Variants in PBX3 observed in about 807,000 individuals in gnomAD.
PBX3 encodes the protein pre-B-cell leukemia transcription factor 3.
PBX3 carries 14 observed loss-of-function variants against 48.5 expected under a neutral mutation model. The observed-to-expected ratio is 0.29, with a 90% confidence interval of 0.19 to 0.45. The LOEUF is 0.45. PBX3 is among the 20% of genes least tolerant of loss of function. The pLI is 1.00. For missense variants in PBX3, 386 were observed against 546.7 expected, an observed-to-expected ratio of 0.71 and a Z score of 2.93; for synonymous variants, 210 against 200.3, an observed-to-expected ratio of 1.05 and a Z score of -0.41.
intron 3 of PBX3, among the ~76,000 whole-genome samples, chr9:125,922,234 AT>A (rs1357756934): frequency 2.0e-5 from 3 of 152,202 alleles, no homozygotes; most frequent in Admixed American, 2.0e-4. Context: ...CTTGGTTTGG[AT>A]TTTTAAGGAG....
intron 2 of PBX3, among the ~76,000 whole-genome samples, chr9:125,908,961 C>T (rs1000445554): frequency 1.3e-5 from 2 of 151,996 alleles, no homozygotes; most frequent in African/African-American, 2.4e-5. Flanking sequence ...TTTTTTCCTT[C>T]ATCCTTTTTT....
intron 2 of PBX3, among the ~76,000 whole-genome samples, chr9:125,785,975 G>A (rs1439255316): frequency 2.0e-5 from 3 of 150,614 alleles, no homozygotes; most frequent in Non-Finnish European, 4.4e-5. Context: ...TGTTTACATG[G>A]TTGCTGTAAA....
At chr9:125,899,691 A>G (rs1362845664) in intron 2 of PBX3, among the ~76,000 whole-genome samples, 2 of 151,584 alleles carry the variant, frequency 1.3e-5, no homozygotes, top group East Asian at 3.9e-4. Context: ...GGATTAGAGC[A>G]AGGAGACTTC....
At chr9:125,856,066 AT>A (rs140108741) in intron 2 of PBX3, among the ~76,000 whole-genome samples, 3,045 of 152,256 alleles carry the variant, frequency 0.02, 164 homozygotes, top group East Asian at 0.17. Context: ...TTGGAAAAAA[AT>A]AACTATAAAA....
At chr9:125,932,585 G>A (rs778804621) in intron 4 of PBX3, among the ~76,000 whole-genome samples, 1 of 152,124 alleles carries the variant, frequency 6.6e-6, no homozygotes, top group Non-Finnish European at 1.5e-5. Flanking sequence ...GGGTTAGAGA[G>A]GTAGCATCAG....
intron 5 of PBX3, among the ~76,000 whole-genome samples, chr9:125,936,528 A>T (rs1321913783): frequency 1.3e-5 from 2 of 152,192 alleles, no homozygotes; most frequent in Non-Finnish European, 2.9e-5. Context: ...GTTTCTAAAT[A>T]AATACTTGTA....
intron 2 of PBX3, among the ~76,000 whole-genome samples, chr9:125,861,847 T>C (rs796262022): frequency 7.2e-5 from 11 of 152,298 alleles, no homozygotes; most frequent in African/African-American, 1.7e-4. Flanking sequence ...GAGTGACTAA[T>C]GGGGAATTTT....
intron 2 of PBX3, among the ~76,000 whole-genome samples, chr9:125,882,911 G>C (rs555634207): frequency 6.6e-6 from 1 of 152,184 alleles, no homozygotes; most frequent in Non-Finnish European, 1.5e-5. Flanking sequence ...TTGAAAAGTT[G>C]TTGTTTTAGA....
chr9:125,925,585 C>T (rs1180295455), intron 3 of PBX3, among the ~76,000 whole-genome samples: 1 of 152,166 alleles, frequency 6.6e-6, no homozygotes, highest in Admixed American at 6.6e-5. Context: ...TCCCAAGTAG[C>T]TGGGACCACA....
intron 5 of PBX3, among the ~76,000 whole-genome samples, chr9:125,958,043 CA>C (rs1842346611): frequency 6.6e-6 from 1 of 152,150 alleles, no homozygotes; most frequent in Non-Finnish European, 1.5e-5. Context: ...AGTCCTTTTC[CA>C]ATCTTGATTT....
intron 2 of PBX3, among the ~76,000 whole-genome samples, chr9:125,847,990 T>C (rs13295318): frequency 0.28 from 42,830 of 151,878 alleles, 7,109 homozygotes; most frequent in Middle Eastern, 0.42. Flanking sequence ...ATATGGTGAA[T>C]TGAGTAAGTG....
chr9:125,817,494 C>A (rs1838500317), intron 2 of PBX3, among the ~76,000 whole-genome samples: 1 of 152,152 alleles, frequency 6.6e-6, no homozygotes, highest in Non-Finnish European at 1.5e-5. Flanking sequence ...GAAAGAAACA[C>A]ACACACACAT....
chr9:125,965,813 CTG>C lies in PBX3; in HGVS notation c.1213-14_1213-13del. 1.3e-6 allele frequency: 2 copies of C among 1,596,714 alleles called. No individual in the cohort carries two copies. The highest frequency in any genetic ancestry group is 1.7e-4 in the Middle Eastern group (1 of 6,014). Reference sequence around the variant, plus strand: ...AATATGTAGACGTGCACCCGTTGAACTGTGTTTCTCCTTTCAGGCTAATGGAG... The same window carrying C: ...AATATGTAGACGTGCACCCGTTGAACTGTTTCTCCTTTCAGGCTAATGGAG... On this transcript the variant is annotated splice_polypyrimidine_tract_variant and intron_variant, in intron 8 of 8. Coordinates refer to ENST00000373489, the MANE Select transcript of PBX3 (RefSeq NM_006195.6).
At chr9:125,902,222 T>A (rs991773325) in intron 2 of PBX3, among the ~76,000 whole-genome samples, 5 of 151,658 alleles carry the variant, frequency 3.3e-5, no homozygotes, top group Non-Finnish European at 5.9e-5. Flanking sequence ...GCACCTGGAT[T>A]GCATGCATAT....
rs973018163 is a variant in PBX3 at position 125,879,167 on chromosome 9, T to C, written c.275-36519T>C. 2.0e-5 allele frequency among the ~76,000 whole-genome samples: 3 copies of C among 147,862 alleles called. No individual in the cohort carries two copies. The South Asian group carries it at 6.5e-4, about 32-fold the overall frequency. ...ATCTTAGCTCACTGCAACCTCTGCC[T>C]CCTGGGTTCAAGTGATTCTCCTGCC... On this transcript the variant is annotated intron_variant, in intron 2 of 8. Transcript: ENST00000373489.
intron 2 of PBX3, among the ~76,000 whole-genome samples, chr9:125,768,180 C>G (rs1056646429): frequency 6.6e-6 from 1 of 151,938 alleles, no homozygotes; most frequent in Non-Finnish European, 1.5e-5. Flanking sequence ...TTTCATGTTG[C>G]TTTATAGGGA....
chr9:125,833,138 G>A (rs548121844), intron 2 of PBX3, among the ~76,000 whole-genome samples: 1 of 152,212 alleles, frequency 6.6e-6, no homozygotes, highest in South Asian at 2.1e-4. Context: ...AGCAAATAGG[G>A]AGAAGAAATT....
intron 3 of PBX3, among the ~76,000 whole-genome samples, chr9:125,921,255 G>T (rs539692048): frequency 1.3e-5 from 2 of 152,104 alleles, no homozygotes; most frequent in South Asian, 4.1e-4. Flanking sequence ...TTGGCTCTAT[G>T]TACCAATTGT....
chr9:125,899,484 G>GCGCTCACCCACAGGC, intron 2 of PBX3, among the ~76,000 whole-genome samples: 1 of 144,892 alleles, frequency 6.9e-6, no homozygotes, highest in Non-Finnish European at 1.5e-5. Flanking sequence ...GAGAGAGAGA[G>GCGCTCACCCACAGGC]AGAGCTCACC....
Sources: allele counts gnomAD v4.1 joint callset (sites outside exome capture counted in the v4.1 genomes callset), GRCh38; gene constraint gnomAD v4.1.1; transcripts MANE v1.5; gene names NCBI Gene and HGNC (gene_info 2026-07-23, HGNC 2026-07-21).